The following MDGA2 variants were observed in gnomAD, a reference collection of about 807,000 sequenced individuals.
The protein encoded by MDGA2 is MAM domain-containing glycosylphosphatidylinositol anchor protein 2.
A neutral mutation model predicts 117.8 loss-of-function variants in MDGA2; 40 were observed. That is an observed-to-expected ratio of 0.34 (90% confidence interval 0.26 to 0.44). MDGA2 has a LOEUF of 0.44. Among genes scored for constraint, MDGA2 ranks in the 20% least tolerant of loss-of-function variants. The pLI is 1.00. For synonymous variants in MDGA2, 452 were observed against 439.0 expected (o/e 1.03, Z -0.37); for missense variants, 1,123 against 1,250.6 (o/e 0.90, Z 1.54).
intron 6 of MDGA2, among the ~76,000 whole-genome samples, chr14:47,075,790 TTC>T: frequency 6.6e-6 from 1 of 152,248 alleles, no homozygotes; most frequent in South Asian, 2.1e-4. Context: ...AAAAAATTTT[TTC>T]TTAAGAAGTT....
intron 1 of MDGA2, among the ~76,000 whole-genome samples, chr14:47,457,641 A>T (rs2138584276): frequency 6.6e-6 from 1 of 152,226 alleles, no homozygotes; most frequent in Non-Finnish European, 1.5e-5. Context: ...CTTTGCCTCG[A>T]ATTTGGAGTT....
intron 2 of MDGA2, 79 bp from the exon 3 acceptor site, chr14:47,218,274 G>C: frequency 7.9e-7 from 1 of 1,268,760 alleles, no homozygotes; most frequent in Non-Finnish European, 1.1e-6. Context: ...CTCATTTGAA[G>C]AGTTTGCATT....
At chr14:47,102,979 A>C (rs1043657201) in intron 5 of MDGA2, among the ~76,000 whole-genome samples, 2 of 152,182 alleles carry the variant, frequency 1.3e-5, no homozygotes, top group African/African-American at 2.4e-5. Flanking sequence ...ACAATGTGTA[A>C]AGAGTAAAGA....
Position 46,957,555 on chromosome 14 carries a change from A to G in MDGA2, c.1908T>C (p.Tyr636=). 1 of 1,614,126 alleles carries G rather than the reference A, an allele frequency of 6.2e-7. No homozygotes were observed. The part of the protein sequence containing the change: ...VTMSCRVLRA[Y]PIRVLTYEWR... ...ACTCATAGGTCAGCACCCGTATTGG[A>G]TAGGCTCTCAGTACTCTGCAACTCA... Residue 636 remains tyrosine (Y), a synonymous_variant, in exon 9 of 17, where the codon TAT becomes TAC. Transcript: ENST00000399232.
intron 1 of MDGA2, among the ~76,000 whole-genome samples, chr14:47,669,617 CT>C (rs764548687): frequency 6.6e-6 from 1 of 152,116 alleles, no homozygotes; most frequent in African/African-American, 2.4e-5. Context: ...AGCCCAGCCA[CT>C]TTTCTTTCAT....
chr14:47,393,236 G>A (rs891786606), intron 1 of MDGA2, among the ~76,000 whole-genome samples: 3 of 151,616 alleles, frequency 2.0e-5, no homozygotes, highest in Admixed American at 1.3e-4. Context: ...AATCTAAAGC[G>A]TTCATTTCTT....
chr14:46,943,754 T>G (rs576332710), intron 9 of MDGA2, among the ~76,000 whole-genome samples: 1 of 152,234 alleles, frequency 6.6e-6, no homozygotes, highest in African/African-American at 2.4e-5. Flanking sequence ...ACAATGTTGT[T>G]ATTTTTTCTT....
chr14:47,004,185 G>T (rs565863553), intron 8 of MDGA2, among the ~76,000 whole-genome samples: 1 of 151,680 alleles, frequency 6.6e-6, no homozygotes, highest in Non-Finnish European at 1.5e-5. Flanking sequence ...ATAATTACAC[G>T]GAAGATACTC....
At chr14:47,174,961 G>C (rs1448947377) in intron 3 of MDGA2, among the ~76,000 whole-genome samples, 2 of 151,978 alleles carry the variant, frequency 1.3e-5, no homozygotes, top group African/African-American at 4.8e-5. Flanking sequence ...AAATGATAAA[G>C]GGGATATCAC....
At chr14:47,135,114 T>G (rs558474976) in intron 4 of MDGA2, among the ~76,000 whole-genome samples, 16 of 152,234 alleles carry the variant, frequency 1.1e-4, no homozygotes, top group South Asian at 2.1e-4. Flanking sequence ...CTTGTTAAAA[T>G]TTAATAAACC....
chr14:47,526,774 C>A (rs1894981367), intron 1 of MDGA2, among the ~76,000 whole-genome samples: 1 of 152,130 alleles, frequency 6.6e-6, no homozygotes, highest in Admixed American at 6.5e-5. Context: ...TCTCTCCAAC[C>A]CAGCAAGTCT....
At chr14:47,064,105 T>C (rs1889992828) in intron 6 of MDGA2, among the ~76,000 whole-genome samples, 1 of 152,044 alleles carries the variant, frequency 6.6e-6, no homozygotes, top group Non-Finnish European at 1.5e-5. Flanking sequence ...TTAGAGATTA[T>C]AAACCCATAA....
intron 10 of MDGA2, among the ~76,000 whole-genome samples, chr14:46,890,581 G>T (rs189529737): frequency 4.3e-4 from 66 of 152,194 alleles, no homozygotes; most frequent in Admixed American, 4.3e-3. Flanking sequence ...CACAGCATCA[G>T]TGGGTCTCTC....
At chr14:47,414,888 TA>T (rs1167582135) in intron 1 of MDGA2, among the ~76,000 whole-genome samples, 1 of 152,166 alleles carries the variant, frequency 6.6e-6, no homozygotes, top group Non-Finnish European at 1.5e-5. Flanking sequence ...TCATCATTTT[TA>T]CTAACACTGT....
chr14:47,060,030 C>A (rs1889825078), intron 7 of MDGA2, among the ~76,000 whole-genome samples: 1 of 152,032 alleles, frequency 6.6e-6, no homozygotes, highest in Non-Finnish European at 1.5e-5. Context: ...AGTTTTCCCT[C>A]AGATATCCTA....
intron 3 of MDGA2, among the ~76,000 whole-genome samples, chr14:47,153,709 T>TAAA (rs201838648): frequency 2.9e-5 from 2 of 68,542 alleles, no homozygotes; most frequent in East Asian, 3.7e-4. Context: ...AGAAAAGAAA[T>TAAA]AAAAAAAAAA....
At chr14:47,485,447 T>A (rs947882423) in intron 1 of MDGA2, among the ~76,000 whole-genome samples, 1 of 152,184 alleles carries the variant, frequency 6.6e-6, no homozygotes, top group Non-Finnish European at 1.5e-5. Context: ...CACAAAAGTT[T>A]GGAAATTTTG....
chr14:46,870,719 TC>T (rs1345275395), intron 14 of MDGA2, among the ~76,000 whole-genome samples: 1 of 151,896 alleles, frequency 6.6e-6, no homozygotes, highest in African/African-American at 2.4e-5. Flanking sequence ...CTCCTAATTT[TC>T]CCTCATCCCA....
At chr14:47,480,080 A>C (rs1226915317) in intron 1 of MDGA2, among the ~76,000 whole-genome samples, 1 of 117,918 alleles carries the variant, frequency 8.5e-6, no homozygotes, top group Non-Finnish European at 1.9e-5. Flanking sequence ...CCTTTACAAA[A>C]AAATCAATGT....
Sources: gnomAD v4.1 joint callset for allele counts (sites outside exome capture counted in the v4.1 genomes callset) on GRCh38, gnomAD v4.1.1 for gene constraint, MANE v1.5 for transcripts, NCBI Gene and HGNC (gene_info 2026-07-23, HGNC 2026-07-21) for gene names.